COX10: variants seen among roughly 807,000 people sequenced by gnomAD.
COX10 encodes the protein protoheme IX farnesyltransferase, mitochondrial.
Under a neutral mutation model 37.3 loss-of-function variants are expected in COX10, and 27 were observed. The ratio of observed to expected loss-of-function variants is 0.72; its 90% CI spans 0.53 to 1.00. The LOEUF (loss-of-function observed/expected upper bound fraction) is 1.00, where lower values mean the gene tolerates loss of function less well. Ranked by LOEUF, COX10 falls within the 50% of genes least tolerant of loss-of-function variation. The pLI is 0.00. For missense variants in COX10, 475 were observed against 563.2 expected (o/e 0.84, Z 1.59); for synonymous variants, 222 against 229.1 (o/e 0.97, Z 0.28).
rs1157495493 is a variant in COX10 at position 14,207,238 on chromosome 17, T to C, written c.*25T>C. On this transcript the variant is annotated 3_prime_UTR_variant, in exon 7 of 7. Transcript: ENST00000261643. Reference sequence around the variant, plus strand: ...AGAGCACTGGGACGCCCACCGCCCCTTTCCCTCCGCTGCCAGGCGAGCATG... The same window carrying C: ...AGAGCACTGGGACGCCCACCGCCCCCTTCCCTCCGCTGCCAGGCGAGCATG... 6.4e-7 allele frequency: 1 copy of C among 1,551,070 alleles called. No individual in the cohort carries two copies. Among genetic ancestry groups the C allele is most frequent in the Non-Finnish European group, 8.7e-7 (1 of 1,152,558 alleles).
chr17:14,136,474 G>T (rs550116978), intron 4 of COX10, among the ~76,000 whole-genome samples: 1 of 151,860 alleles, frequency 6.6e-6, no homozygotes, highest in Non-Finnish European at 1.5e-5. Flanking sequence ...TTCATTTCCA[G>T]TTTGCTCAGA....
In COX10 at chr17:14,207,388, C is replaced by A; in HGVS notation, c.*175C>A. On this transcript the variant is annotated 3_prime_UTR_variant, in exon 7 of 7. Coordinates refer to ENST00000261643, the MANE Select transcript of COX10 (RefSeq NM_001303.4). ...TTTAAATATTACCCAAAATGCTCCC[C>A]AAATAAGAAATGCATCAGCTCAGTC... is the stretch of plus-strand genomic sequence containing the variant. 1.2e-6 allele frequency: 1 copy of A among 835,538 alleles called. No individual in the cohort carries two copies. Among genetic ancestry groups the A allele is most frequent in the Non-Finnish European group, 1.8e-6 (1 of 563,602 alleles). The allele number at this position is 835,538 out of a possible 1,614,324, so 51.8% of individuals were successfully genotyped here.
intron 6 of COX10, among the ~76,000 whole-genome samples, chr17:14,192,931 G>C (rs544794301): frequency 3.9e-5 from 6 of 152,128 alleles, no homozygotes; most frequent in Admixed American, 3.9e-4. Context: ...AGATCAAAAG[G>C]CAGTTGACCA....
At chr17:14,167,045 T>C (rs1905309761) in intron 5 of COX10, among the ~76,000 whole-genome samples, 1 of 152,180 alleles carries the variant, frequency 6.6e-6, no homozygotes, top group Non-Finnish European at 1.5e-5. Context: ...CTATATGCCA[T>C]GAAAAACATT....
At chr17:14,200,486 G>T (rs1456384165) in intron 6 of COX10, among the ~76,000 whole-genome samples, 1 of 152,192 alleles carries the variant, frequency 6.6e-6, no homozygotes, top group Non-Finnish European at 1.5e-5. Context: ...CTGGATGGGG[G>T]TTCCCTCCAG....
intron 3 of COX10, among the ~76,000 whole-genome samples, chr17:14,088,590 T>G (rs1165406630): frequency 6.6e-6 from 1 of 152,190 alleles, no homozygotes; most frequent in African/African-American, 2.4e-5. Context: ...TAAAGATAAA[T>G]TTTGTAAGAA....
chr17:14,207,311 A>G lies in COX10; in HGVS notation c.*98A>G, dbSNP rs956616845. ...GAAGAGAAATTGCTGGGTTTAGAACAAGATTATAAACGAATTCGGTGCTCA... is the reference window on the plus strand; with the variant it reads ...GAAGAGAAATTGCTGGGTTTAGAACGAGATTATAAACGAATTCGGTGCTCA... On this transcript the variant is annotated 3_prime_UTR_variant, in exon 7 of 7. Coordinates refer to ENST00000261643, the MANE Select transcript of COX10 (RefSeq NM_001303.4). 5.0e-6 allele frequency: 7 copies of G among 1,407,504 alleles called. No individual in the cohort carries two copies. The highest frequency in any genetic ancestry group is 4.6e-6 in the Non-Finnish European group (5 of 1,075,790). The allele number at this position is 1,407,504 out of a possible 1,614,324, so 87.2% of individuals were successfully genotyped here.
At chr17:14,190,332 T>A (rs1411781149) in intron 5 of COX10, among the ~76,000 whole-genome samples, 2 of 152,096 alleles carry the variant, frequency 1.3e-5, no homozygotes, top group African/African-American at 4.8e-5. Flanking sequence ...GAATGTTGGA[T>A]GGACAAGGCA....
At chr17:14,169,259 T>A (rs1450397872) in intron 5 of COX10, among the ~76,000 whole-genome samples, 1 of 152,218 alleles carries the variant, frequency 6.6e-6, no homozygotes, top group African/African-American at 2.4e-5. Context: ...CAATTCCCAA[T>A]AATTTCCTTG....
At chr17:14,174,474 A>C (rs904152177) in intron 5 of COX10, among the ~76,000 whole-genome samples, 1 of 151,748 alleles carries the variant, frequency 6.6e-6, no homozygotes, top group African/African-American at 2.4e-5. Context: ...AAAAAAAAAA[A>C]AGTGCGTGAA....
chr17:14,143,730 A>G (rs184651092), intron 4 of COX10, among the ~76,000 whole-genome samples: 11 of 152,292 alleles, frequency 7.2e-5, no homozygotes, highest in Admixed American at 1.3e-4. Flanking sequence ...TATCAAAAGC[A>G]TATGCAACTG....
chr17:14,122,843 A>C (rs891646068), intron 4 of COX10, among the ~76,000 whole-genome samples: 8 of 152,186 alleles, frequency 5.3e-5, no homozygotes, highest in Admixed American at 5.2e-4. Flanking sequence ...AACTAACTAA[A>C]TCCTACCTGT....
At chr17:14,085,149 T>G (rs2142188403) in intron 3 of COX10, among the ~76,000 whole-genome samples, 1 of 152,258 alleles carries the variant, frequency 6.6e-6, no homozygotes, top group Middle Eastern at 3.4e-3. Context: ...GTCTGTAAAA[T>G]GGGGATAATC....
intron 5 of COX10, among the ~76,000 whole-genome samples, chr17:14,161,278 G>A (rs1905165584): frequency 6.6e-6 from 1 of 152,148 alleles, no homozygotes; most frequent in Non-Finnish European, 1.5e-5. Flanking sequence ...CCCAAATATT[G>A]AAGTCTCAAA....
At chr17:14,146,811 A>G (rs532535602) in intron 4 of COX10, among the ~76,000 whole-genome samples, 6 of 152,318 alleles carry the variant, frequency 3.9e-5, no homozygotes, top group South Asian at 2.1e-4. Flanking sequence ...CAATCTAATA[A>G]TCTGATTTTT....
chr17:14,169,209 A>C (rs779111574), intron 5 of COX10, among the ~76,000 whole-genome samples: 7 of 152,200 alleles, frequency 4.6e-5, no homozygotes, highest in Non-Finnish European at 1.0e-4. Flanking sequence ...CAGGGGCATA[A>C]TGTCTCTTTG....
chr17:14,116,448 T>C (rs1463148335), intron 4 of COX10, among the ~76,000 whole-genome samples: 1 of 152,168 alleles, frequency 6.6e-6, no homozygotes, highest in African/African-American at 2.4e-5. Context: ...CAGCTCCGCT[T>C]AGACTTACGC....
At chr17:14,142,611 C>CA (rs1195651472) in intron 4 of COX10, among the ~76,000 whole-genome samples, 1 of 152,068 alleles carries the variant, frequency 6.6e-6, no homozygotes, top group Non-Finnish European at 1.5e-5. Flanking sequence ...TTGAAAGACT[C>CA]AAAATGAACC....
At chr17:14,095,490 T>C (rs2142195529) in intron 3 of COX10, among the ~76,000 whole-genome samples, 1 of 152,302 alleles carries the variant, frequency 6.6e-6, no homozygotes, top group South Asian at 2.1e-4. Flanking sequence ...GTGTTGCTGG[T>C]AGACTAGTCC....
Sources: gnomAD v4.1 joint callset for allele counts (sites outside exome capture counted in the v4.1 genomes callset) on GRCh38, gnomAD v4.1.1 for gene constraint, MANE v1.5 for transcripts, NCBI Gene and HGNC (gene_info 2026-07-23, HGNC 2026-07-21) for gene names.